The following TMTC2 variants were observed in gnomAD, a reference collection of about 807,000 sequenced individuals.
TMTC2 encodes the protein transmembrane O-mannosyltransferase targeting cadherins 2.
In TMTC2, 43 loss-of-function variants were observed where a neutral mutation model predicts 82.4. That is an observed-to-expected ratio of 0.52 (90% CI 0.41 to 0.67). The LOEUF is 0.67. Ranked by LOEUF, TMTC2 falls within the 30% of genes least tolerant of loss-of-function variation. The probability of loss-of-function intolerance (pLI) is 0.00; values close to 1 mark genes in which losing one functional copy is unlikely to be tolerated. For synonymous variants in TMTC2, 408 were observed against 381.9 expected (o/e 1.07, Z -0.80); for missense variants, 919 against 1,012.4 (o/e 0.91, Z 1.25).
At position 82,709,181 on chromosome 12, in the gene TMTC2, G is replaced by A. The variant is rs543768838; in HGVS notation, c.83+21512G>A. On this transcript the variant is annotated intron_variant, in intron 1 of 11. Coordinates refer to ENST00000321196, the MANE Select transcript of TMTC2 (RefSeq NM_152588.3). The stretch of plus-strand genomic sequence containing the variant: ...TTTGAGACTCCCCATTTGTCAAATG[G>A]TTGCAGTTTGAATGTGGTTGTCCTC... Among the ~76,000 whole-genome samples the A allele has an allele frequency of 1.7e-3, 258 of 152,048 alleles. 1 individual carries two copies. The highest frequency in any genetic ancestry group is 6.0e-3 in the African/African-American group (250 of 41,462).
At chr12:83,041,779 C>T (rs1881904685) in intron 9 of TMTC2, among the ~76,000 whole-genome samples, 1 of 152,058 alleles carries the variant, frequency 6.6e-6, no homozygotes, top group Non-Finnish European at 1.5e-5. Flanking sequence ...GGATTGTTTC[C>T]ATTATTCCAT....
chr12:82,753,084 T>G (rs2136968707), intron 1 of TMTC2, among the ~76,000 whole-genome samples: 1 of 152,272 alleles, frequency 6.6e-6, no homozygotes, highest in East Asian at 1.9e-4. Flanking sequence ...TATACCCTGT[T>G]GACCTTGTGG....
At chr12:82,719,398 A>G (rs1251588388) in intron 1 of TMTC2, among the ~76,000 whole-genome samples, 2 of 152,058 alleles carry the variant, frequency 1.3e-5, no homozygotes, top group Non-Finnish European at 2.9e-5. Flanking sequence ...AGCCTGGATG[A>G]TTATATTTTA....
At chr12:82,955,148 C>A (rs939545700) in intron 4 of TMTC2, among the ~76,000 whole-genome samples, 2 of 152,166 alleles carry the variant, frequency 1.3e-5, no homozygotes, top group Admixed American at 1.3e-4. Flanking sequence ...GAAGGCTGTT[C>A]TGTGCCTTGT....
intron 8 of TMTC2, among the ~76,000 whole-genome samples, chr12:82,998,066 A>G (rs1235758583): frequency 6.6e-6 from 1 of 152,200 alleles, no homozygotes; most frequent in Non-Finnish European, 1.5e-5. Flanking sequence ...AGTGAAAGAA[A>G]CTACTATTTA....
intron 8 of TMTC2, among the ~76,000 whole-genome samples, chr12:82,987,457 A>G (rs1319338994): frequency 2.0e-5 from 3 of 151,660 alleles, no homozygotes; most frequent in African/African-American, 7.3e-5. Context: ...AAAAGAAATC[A>G]TATAGGTAGA....
chr12:82,876,120 G>GGTATTA (rs1565788933), intron 2 of TMTC2, among the ~76,000 whole-genome samples: 2 of 142,816 alleles, frequency 1.4e-5, no homozygotes, highest in African/African-American at 5.4e-5. Flanking sequence ...TGGTGGTGGT[G>GGTATTA]GTATTAGTAA....
chr12:83,123,068 C>A (rs1464602650), intron 11 of TMTC2, among the ~76,000 whole-genome samples: 2 of 152,186 alleles, frequency 1.3e-5, no homozygotes, highest in African/African-American at 2.4e-5. Flanking sequence ...GCTCTTCCCC[C>A]AAACCAAAAC....
At chr12:82,850,513 G>A (rs1870918370) in intron 1 of TMTC2, among the ~76,000 whole-genome samples, 1 of 151,992 alleles carries the variant, frequency 6.6e-6, no homozygotes, top group Non-Finnish European at 1.5e-5. Context: ...CCAAAGAGGT[G>A]GAAATTGCAG....
At chr12:82,694,067 T>A (rs944736604) in intron 1 of TMTC2, among the ~76,000 whole-genome samples, 1 of 152,148 alleles carries the variant, frequency 6.6e-6, no homozygotes, top group African/African-American at 2.4e-5. Context: ...GACTTTTTTT[T>A]AATACAGGTA....
chr12:82,713,117 C>T (rs1363498727), intron 1 of TMTC2, among the ~76,000 whole-genome samples: 6 of 152,060 alleles, frequency 3.9e-5, no homozygotes, highest in Middle Eastern at 3.4e-3. Context: ...GTCAGGGGTT[C>T]GAGACCAGCG....
At chr12:82,954,962 C>G (rs1306787830) in intron 4 of TMTC2, among the ~76,000 whole-genome samples, 1 of 152,030 alleles carries the variant, frequency 6.6e-6, no homozygotes, top group Admixed American at 6.5e-5. Context: ...TAATGTAATC[C>G]TTTTAATTTG....
intron 9 of TMTC2, among the ~76,000 whole-genome samples, chr12:83,041,545 A>T (rs1311112074): frequency 6.6e-6 from 1 of 152,194 alleles, no homozygotes; most frequent in Non-Finnish European, 1.5e-5. Flanking sequence ...ATATGAAAAA[A>T]ATTTTGAATA....
intron 1 of TMTC2, among the ~76,000 whole-genome samples, chr12:82,702,659 G>A (rs961963033): frequency 2.0e-5 from 3 of 152,144 alleles, no homozygotes; most frequent in African/African-American, 7.2e-5. Context: ...AGGTGTGGTG[G>A]CTCACACATG....
intron 8 of TMTC2, among the ~76,000 whole-genome samples, chr12:83,003,463 A>G (rs1880016395): frequency 6.6e-6 from 1 of 152,106 alleles, no homozygotes; most frequent in African/African-American, 2.4e-5. Context: ...TCATTGTGTT[A>G]TTAGCTGTTT....
chr12:83,115,580 C>G (rs1884726527), intron 11 of TMTC2, among the ~76,000 whole-genome samples: 1 of 151,552 alleles, frequency 6.6e-6, no homozygotes, highest in Non-Finnish European at 1.5e-5. Flanking sequence ...AGGTGGAGTA[C>G]TGATTGCATA....
chr12:82,771,821 G>A (rs188156831), intron 1 of TMTC2, among the ~76,000 whole-genome samples: 52 of 152,172 alleles, frequency 3.4e-4, no homozygotes, highest in Admixed American at 2.9e-3. Flanking sequence ...GGGGAAGTAG[G>A]TAGGAAAGGA....
chr12:83,030,683 T>C (rs1881390242), intron 8 of TMTC2, 115 bp from the exon 9 acceptor site: 2 of 785,514 alleles, frequency 2.5e-6, no homozygotes, highest in Non-Finnish European at 4.0e-6. Context: ...AAAATTTTTT[T>C]TTTCCTTTCC....
intron 4 of TMTC2, among the ~76,000 whole-genome samples, chr12:82,937,701 GGTGTGTGTGTGT>G (rs146657948): frequency 1.2e-4 from 9 of 73,240 alleles, no homozygotes; most frequent in African/African-American, 4.5e-4. Context: ...AAATGTCAAT[GGTGTGTGTGTGT>G]GTGTGTGTGT....
Sources: gnomAD v4.1 joint callset for allele counts (sites outside exome capture counted in the v4.1 genomes callset) on GRCh38, gnomAD v4.1.1 for gene constraint, MANE v1.5 for transcripts, NCBI Gene and HGNC (gene_info 2026-07-23, HGNC 2026-07-21) for gene names.